The following PTGER3 variants were observed in gnomAD, a reference collection of about 807,000 sequenced individuals.
PTGER3 encodes the protein prostaglandin E receptor 3.
A neutral mutation model predicts 34.7 loss-of-function variants in PTGER3; 22 were observed. The ratio of observed to expected loss-of-function variants is 0.63; its 90% confidence interval spans 0.45 to 0.91. The LOEUF is 0.91. PTGER3 is among the 40% of genes least tolerant of loss of function. The probability of loss-of-function intolerance (pLI) is 0.00; values close to 1 mark genes in which losing one functional copy is unlikely to be tolerated. For synonymous variants in PTGER3, 241 were observed against 230.1 expected, an observed-to-expected ratio of 1.05 and a Z score of -0.43; for missense variants, 468 against 519.4, an observed-to-expected ratio of 0.90 and a Z score of 0.96.
rs1360739886 is a variant in PTGER3, at chr1:70,970,938, T to C, written c.*792A>G. 1.0e-6 allele frequency: 1 copy of C among 985,288 alleles called. No individual in the cohort carries two copies. The highest frequency in any genetic ancestry group is 1.2e-6 in the Non-Finnish European group (1 of 829,922). 61.0% of individuals were successfully genotyped at this position (985,288 alleles called of 1,614,324 possible). A position where few individuals can be genotyped will look rare whatever the true frequency, so the allele number is the denominator to read the frequency against. On this transcript the variant is annotated 3_prime_UTR_variant, in exon 4 of 4. Coordinates refer to ENST00000306666, the MANE Select transcript of PTGER3 (RefSeq NM_198719.2). Reference sequence around the variant, plus strand: ...AAAGAAATATTAAGAAATCCTGACTTGGTCATGGTGAATCAGAAGGCCTAC... The same window carrying C: ...AAAGAAATATTAAGAAATCCTGACTCGGTCATGGTGAATCAGAAGGCCTAC...
intron 2 of PTGER3, chr1:71,008,308 T>C (rs1657144722): frequency 2.3e-6 from 2 of 872,686 alleles, no homozygotes; most frequent in Non-Finnish European, 2.7e-6. Flanking sequence ...CATAAATAAA[T>C]ATAATACATA....
At chr1:71,041,332 G>A (rs1001153605) in intron 1 of PTGER3, among the ~76,000 whole-genome samples, 2 of 152,164 alleles carry the variant, frequency 1.3e-5, no homozygotes, top group African/African-American at 2.4e-5. Context: ...TTGTGTTTGC[G>A]TGGCTGACTG....
intron 4 of PTGER3, chr1:70,865,845 A>G (rs1646030710): frequency 7.5e-7 from 1 of 1,333,914 alleles, no homozygotes; most frequent in Non-Finnish European, 1.0e-6. Flanking sequence ...TGAAGAGAAG[A>G]GCAGAGATGA....
Position 70,897,958 on chromosome 1 carries a change from G to C in PTGER3, c.*24-45099C>G, listed in dbSNP as rs567320171. On this transcript the variant is annotated intron_variant, in intron 4 of 4. Coordinates refer to the PTGER3 transcript ENST00000370931. ...AGGAGCTATACTACTTAATCTATTT[G>C]AACATATCACTTAATGTATTTGAAC... is the stretch of plus-strand genomic sequence containing the variant. 9.2e-5 allele frequency among the ~76,000 whole-genome samples: 14 copies of C among 151,918 alleles called. No individual in the cohort carries two copies. In the South Asian group the frequency reaches 2.9e-3, roughly 32 times the overall value.
chr1:70,935,693 A>ATATATATATATATATT (rs1491421864), intron 4 of PTGER3, among the ~76,000 whole-genome samples: 34 of 140,722 alleles, frequency 2.4e-4, no homozygotes, highest in African/African-American at 8.2e-4. Context: ...ATATATATAT[A>ATATATATATATATATT]TGTTCTGCTT....
At chr1:70,918,819 G>A (rs1647277077) in intron 4 of PTGER3, among the ~76,000 whole-genome samples, 1 of 151,980 alleles carries the variant, frequency 6.6e-6, no homozygotes, top group East Asian at 1.9e-4. Context: ...TGAAGCAAAT[G>A]ATGATTGCTA....
chr1:70,869,383 T>C, intron 4 of PTGER3: 1 of 427,852 alleles, frequency 2.3e-6, no homozygotes, highest in Non-Finnish European at 4.7e-6. Context: ...ACTATATCAT[T>C]CCACCCCTCT....
At chr1:70,890,542 G>A (rs977079349) in intron 4 of PTGER3, among the ~76,000 whole-genome samples, 4 of 152,158 alleles carry the variant, frequency 2.6e-5, no homozygotes, top group Non-Finnish European at 5.9e-5. Flanking sequence ...TCTTTCTTGT[G>A]TATGTTATCT....
At chr1:71,036,559 G>A (rs1303836472) in intron 1 of PTGER3, among the ~76,000 whole-genome samples, 3 of 151,374 alleles carry the variant, frequency 2.0e-5, no homozygotes, top group South Asian at 2.1e-4. Flanking sequence ...AAAAGAAAGG[G>A]GCCCGGCACA....
chr1:70,928,552 G>A (rs1470591834), intron 4 of PTGER3, among the ~76,000 whole-genome samples: 2 of 148,084 alleles, frequency 1.4e-5, no homozygotes, highest in Non-Finnish European at 2.9e-5. Context: ...AGGATCACTT[G>A]AGCCTGAGAG....
At chr1:71,008,309 A>C in intron 2 of PTGER3, 1 of 873,376 alleles carries the variant, frequency 1.1e-6, no homozygotes, top group Non-Finnish European at 1.4e-6. Flanking sequence ...ATAAATAAAT[A>C]TAATACATAT....
At chr1:70,978,620 G>T (rs1229243201) in intron 2 of PTGER3, among the ~76,000 whole-genome samples, 1 of 152,062 alleles carries the variant, frequency 6.6e-6, no homozygotes, top group Non-Finnish European at 1.5e-5. Context: ...GTGTGCTCTA[G>T]TTGGGAAGCA....
intron 2 of PTGER3, chr1:71,007,946 T>G: frequency 1.0e-6 from 1 of 985,234 alleles, no homozygotes; most frequent in Non-Finnish European, 1.2e-6. Context: ...GGTGATCTCT[T>G]TCCTTCTTAT....
At chr1:70,974,678 T>C (rs1279203259) in intron 2 of PTGER3, among the ~76,000 whole-genome samples, 1 of 152,142 alleles carries the variant, frequency 6.6e-6, no homozygotes, top group African/African-American at 2.4e-5. Flanking sequence ...CTCAAGTGAT[T>C]GGTGAAGGGA....
At chr1:70,903,034 G>C (rs1176814247) in intron 4 of PTGER3, among the ~76,000 whole-genome samples, 2 of 152,148 alleles carry the variant, frequency 1.3e-5, no homozygotes, top group Non-Finnish European at 2.9e-5. Context: ...ATTCAGCTGG[G>C]TCCAAAATCC....
intron 1 of PTGER3, among the ~76,000 whole-genome samples, chr1:71,017,592 T>A (rs1009946976): frequency 6.6e-6 from 1 of 152,182 alleles, no homozygotes; most frequent in Non-Finnish European, 1.5e-5. Context: ...TCCCCCTTGC[T>A]GTTCTTATAA....
chr1:70,925,615 A>G (rs1294194770), intron 4 of PTGER3, among the ~76,000 whole-genome samples: 2 of 152,220 alleles, frequency 1.3e-5, no homozygotes. Flanking sequence ...CCACAGCTTC[A>G]TGCAAAAATA....
At chr1:70,934,510 CT>C (rs1649019966) in intron 4 of PTGER3, among the ~76,000 whole-genome samples, 1 of 152,192 alleles carries the variant, frequency 6.6e-6, no homozygotes, top group South Asian at 2.1e-4. Context: ...TTCTCATTAA[CT>C]CTGTGCTTGG....
chr1:71,038,400 G>T (rs1660012574), intron 1 of PTGER3, among the ~76,000 whole-genome samples: 1 of 152,132 alleles, frequency 6.6e-6, no homozygotes, highest in Admixed American at 6.5e-5. Flanking sequence ...AACAGTAATG[G>T]TATCTGGTGG....
Sources: allele counts gnomAD v4.1 joint callset (sites outside exome capture counted in the v4.1 genomes callset), GRCh38; gene constraint gnomAD v4.1.1; transcripts MANE v1.5; gene names NCBI Gene and HGNC (gene_info 2026-07-23, HGNC 2026-07-21).